MYO10: variants seen among roughly 807,000 people sequenced by gnomAD.
MYO10 encodes unconventional myosin-X.
In MYO10, 133 loss-of-function variants were observed where a neutral mutation model predicts 257.3. The ratio of observed to expected loss-of-function variants is 0.52; its 90% CI spans 0.45 to 0.60. The LOEUF (loss-of-function observed/expected upper bound fraction) is 0.60. Ranked by LOEUF, MYO10 falls within the 20% of genes least tolerant of loss-of-function variation. The pLI is 0.00. For missense variants in MYO10, 2,399 were observed against 2,635.7 expected, an observed-to-expected ratio of 0.91 and a Z score of 1.97; for synonymous variants, 1,104 against 1,028.6, an observed-to-expected ratio of 1.07 and a Z score of -1.40.
At position 16,711,012 on chromosome 5, in the gene MYO10, G is replaced by A. The variant is rs1444551752; in HGVS notation, c.2065C>T (p.Leu689=). 6.2e-6 allele frequency: 10 copies of A among 1,613,844 alleles called. No homozygotes were observed. The African/African-American group carries it at 1.1e-4, about 17-fold the overall frequency. Residue 689 remains leucine (L), a synonymous_variant, in exon 21 of 41, where the codon CTG becomes TTG. Transcript: ENST00000513610. ...FQDFYKRYKV[L]MRNLALPEDV... is the part of the protein sequence containing the mutation. The stretch of plus-strand genomic sequence containing the variant: ...TCAGGCAGAGCCAGATTCCTCATCA[G>A]CACTTTATACCTGCAACGTGAAGAC...
chr5:16,681,484 C>T lies in MYO10; in HGVS notation c.4209G>A (p.Val1403=), dbSNP rs891137121. ...GTGAAGACATCTTTGGACTGTTCTT[C>T]ACCTCTTTGTGCAACCATCCTGGAA... The part of the protein sequence containing the change: ...FIVRGWLHKE[V]KNSPKMSSLK... Residue 1403 remains valine (V), a synonymous_variant, in exon 32 of 41, where the codon GTG becomes GTA. Coordinates refer to ENST00000513610, the MANE Select transcript of MYO10 (RefSeq NM_012334.3). The T allele has an allele frequency of 1.0e-5, 16 of 1,605,996 alleles. No homozygotes were observed. Among genetic ancestry groups the T allele is most frequent in the African/African-American group, 1.3e-5 (1 of 74,480 alleles).
chr5:16,844,969 C>A (rs1743590072), intron 2 of MYO10, among the ~76,000 whole-genome samples: 1 of 151,208 alleles, frequency 6.6e-6, no homozygotes, highest in Non-Finnish European at 1.5e-5. Flanking sequence ...CACACACACA[C>A]ACACACACAG....
chr5:16,768,765 G>A (rs1054161851), intron 10 of MYO10, among the ~76,000 whole-genome samples: 9 of 124,178 alleles, frequency 7.2e-5, no homozygotes, highest in Non-Finnish European at 1.3e-4. Context: ...CCTTCAACCC[G>A]CAGAGGCTCA....
At chr5:16,896,619 A>C (rs1290535382) in intron 1 of MYO10, among the ~76,000 whole-genome samples, 1 of 152,090 alleles carries the variant, frequency 6.6e-6, no homozygotes, top group Non-Finnish European at 1.5e-5. Context: ...AAAGGAAAGA[A>C]ATGGTCTAGA....
intron 1 of MYO10, among the ~76,000 whole-genome samples, chr5:16,917,694 CAA>C (rs774760531): frequency 2.1e-5 from 2 of 94,308 alleles, no homozygotes. Flanking sequence ...CCCATCTCTA[CAA>C]AAAAAAAAAG....
At chr5:16,805,041 A>G (rs1269392944) in intron 3 of MYO10, among the ~76,000 whole-genome samples, 1 of 152,258 alleles carries the variant, frequency 6.6e-6, no homozygotes, top group Non-Finnish European at 1.5e-5. Context: ...ACTGAAGTAT[A>G]GGCTACATGT....
chr5:16,680,011 T>C lies in MYO10; in HGVS notation c.4478A>G (p.Gln1493Arg). Reference sequence around the variant, plus strand: ...CGGGGCCTTGGTGTCAGTCACGTTTTGAATGGCACTGGACCACCGGGTGGC... The same window carrying C: ...CGGGGCCTTGGTGTCAGTCACGTTTCGAATGGCACTGGACCACCGGGTGGC... ...NEATRWSSAI[Q>R]NVTDTKAPID... The change falls in exon 33 of 41, where the codon CAA (glutamine) becomes CGA (arginine). Residue 1493 changes from glutamine (Q) to arginine (R), a missense_variant. Gln to Arg is a conservative substitution (Grantham distance 43, BLOSUM62 1). Coordinates refer to ENST00000513610, the MANE Select transcript of MYO10 (RefSeq NM_012334.3). 6.2e-7 allele frequency: 1 copy of C among 1,613,928 alleles called. No homozygotes were observed. The highest frequency in any genetic ancestry group is 8.5e-7 in the Non-Finnish European group (1 of 1,179,862).
intron 26 of MYO10, among the ~76,000 whole-genome samples, chr5:16,698,244 T>C (rs1387492652): frequency 1.3e-5 from 2 of 152,056 alleles, no homozygotes; most frequent in Non-Finnish European, 2.9e-5. Context: ...GCGCCTGCAG[T>C]CCTAGCTCCT....
intron 3 of MYO10, among the ~76,000 whole-genome samples, chr5:16,816,471 A>T (rs913379422): frequency 2.0e-5 from 3 of 151,776 alleles, no homozygotes; most frequent in African/African-American, 7.3e-5. Context: ...AAATTGGAAG[A>T]ACCTGAATAT....
chr5:16,936,026 G>GTC lies in MYO10; in HGVS notation c.-220_-219dup. The GTC allele has an allele frequency of 3.4e-6, 2 of 596,848 alleles. No individual in the cohort carries two copies. Among genetic ancestry groups the GTC allele is most frequent in the South Asian group, 4.0e-5 (2 of 50,252 alleles). 37.0% of individuals were successfully genotyped at this position (596,848 alleles called of 1,614,324 possible). On this transcript the variant is annotated 5_prime_UTR_variant, in exon 1 of 41. Transcript: ENST00000513610. ...CTCGCCCGTCCCGACGGCAGCCTTT[G>GTC]TCTCTTCTTCCTCCAAGTTCCTCAC...
chr5:16,768,831 ATGCC>A (rs1425320980), intron 10 of MYO10, among the ~76,000 whole-genome samples: 1 of 151,590 alleles, frequency 6.6e-6, no homozygotes, highest in East Asian at 1.9e-4. Flanking sequence ...GCACACCATC[ATGCC>A]TGGCTAATTT....
intron 1 of MYO10, among the ~76,000 whole-genome samples, chr5:16,891,323 G>GGAAA (rs70943815): frequency 6.3e-5 from 1 of 15,940 alleles, no homozygotes; most frequent in Admixed American, 7.6e-4. Flanking sequence ...GAAGAGAAAA[G>GGAAA]GAAGGAAGGA....
In MYO10 at chr5:16,764,308, C is replaced by T; in HGVS notation, c.1268G>A (p.Gly423Asp). The T allele has an allele frequency of 1.2e-6, 2 of 1,613,980 alleles. No individual in the cohort carries two copies. Among genetic ancestry groups the T allele is most frequent in the Non-Finnish European group, 1.7e-6 (2 of 1,179,890 alleles). ...GCCAATAGACTTGAAGTCCTCATTG[C>T]CTTTGATCCTGCTGTTGATCTTCTT... ...VIKKINSRIK[G>D]NEDFKSIGIL... The change falls in exon 12 of 41, where the codon GGC becomes GAC. Residue 423 changes from glycine (G) to aspartate (D), a missense_variant. Coordinates refer to ENST00000513610, the MANE Select transcript of MYO10 (RefSeq NM_012334.3).
chr5:16,827,406 C>A (rs1277028241), intron 2 of MYO10, among the ~76,000 whole-genome samples: 1 of 152,160 alleles, frequency 6.6e-6, no homozygotes, highest in Non-Finnish European at 1.5e-5. Context: ...CCTGGCTCAG[C>A]CTCCCGGATA....
chr5:16,935,258 A>G (rs1182825550), intron 1 of MYO10, among the ~76,000 whole-genome samples: 2 of 152,108 alleles, frequency 1.3e-5, no homozygotes, highest in Non-Finnish European at 2.9e-5. Context: ...TTAAAAGAGC[A>G]CTTCTCGGCG....
At chr5:16,762,951 GA>G (rs1488968153) in intron 14 of MYO10, among the ~76,000 whole-genome samples, 13 of 146,328 alleles carry the variant, frequency 8.9e-5, no homozygotes, top group African/African-American at 3.1e-4. Context: ...GCGACAGAGT[GA>G]GACTCCGTCT....
chr5:16,732,592 G>A (rs148773381), intron 19 of MYO10, among the ~76,000 whole-genome samples: 148 of 152,302 alleles, frequency 9.7e-4, no homozygotes, highest in Admixed American at 1.9e-3. Flanking sequence ...TGTAGATGTT[G>A]CCAAGGAGGC....
Position 16,887,018 on chromosome 5 carries a change from T to TA in MYO10, c.22-9312dup, listed in dbSNP as rs1029572383. 6.0e-5 allele frequency among the ~76,000 whole-genome samples: 9 copies of TA among 151,056 alleles called. 1 individual carries two copies. The highest frequency in any genetic ancestry group is 1.5e-4 in the African/African-American group (6 of 41,170). ...TGTTCCAAATACTAATAAACACACC[T>TA]AAAAAAAACACAGTAGGGTTGTAAA... On this transcript the variant is annotated intron_variant, in intron 1 of 40. Transcript: ENST00000513610.
intron 1 of MYO10, among the ~76,000 whole-genome samples, chr5:16,917,425 C>T (rs1467168920): frequency 1.3e-5 from 2 of 152,142 alleles, no homozygotes; most frequent in African/African-American, 4.8e-5. Context: ...TGTTTAGCAG[C>T]ATCCTCAGCT....
Sources: gnomAD v4.1 joint callset for allele counts (sites outside exome capture counted in the v4.1 genomes callset) on GRCh38, gnomAD v4.1.1 for gene constraint, MANE v1.5 for transcripts, NCBI Gene and HGNC (gene_info 2026-07-23, HGNC 2026-07-21) for gene names.